Variants in ASH1L observed in about 807,000 individuals in gnomAD.
The protein encoded by ASH1L is histone-lysine N-methyltransferase ASH1L.
ASH1L carries 23 observed loss-of-function variants against 269.0 expected under a neutral mutation model. That is an observed-to-expected ratio of 0.09 (90% confidence interval 0.06 to 0.12). The LOEUF is 0.12. ASH1L is among the 10% of genes least tolerant of loss of function. ASH1L has a pLI of 1.00. For missense variants in ASH1L, 2,912 were observed against 3,567.8 expected, an observed-to-expected ratio of 0.82 and a Z score of 4.68; for synonymous variants, 1,187 against 1,253.5, an observed-to-expected ratio of 0.95 and a Z score of 1.12.
intron 7 of ASH1L, among the ~76,000 whole-genome samples, chr1:155,389,823 G>T (rs1049952452): frequency 6.7e-6 from 1 of 148,492 alleles, no homozygotes; most frequent in Non-Finnish European, 1.5e-5. Context: ...GAATACAATT[G>T]ATTTTTTAAT....
intron 9 of ASH1L, 52 bp downstream of exon 9, chr1:155,378,451 C>T (rs935023067): frequency 2.5e-6 from 4 of 1,609,512 alleles, no homozygotes; most frequent in Non-Finnish European, 3.4e-6. Flanking sequence ...GTGCTAGGCT[C>T]AGAAGAACAT....
At chr1:155,462,086 C>A (rs1664345793) in intron 3 of ASH1L, among the ~76,000 whole-genome samples, 1 of 152,172 alleles carries the variant, frequency 6.6e-6, no homozygotes, top group Non-Finnish European at 1.5e-5. Flanking sequence ...AGGCATGAGC[C>A]ACTGCGCCCA....
At chr1:155,375,723 G>A (rs1162860183) in intron 10 of ASH1L, among the ~76,000 whole-genome samples, 2 of 152,002 alleles carry the variant, frequency 1.3e-5, no homozygotes, top group African/African-American at 2.4e-5. Flanking sequence ...GCTTGAACCC[G>A]GGAGGTGGAG....
intron 1 of ASH1L, among the ~76,000 whole-genome samples, chr1:155,546,761 A>C (rs935307922): frequency 6.6e-6 from 1 of 151,908 alleles, no homozygotes; most frequent in Non-Finnish European, 1.5e-5. Flanking sequence ...CGTCTCAAAA[A>C]AAAAAGCACT....
At chr1:155,363,078 T>C (rs570150477) in intron 12 of ASH1L, among the ~76,000 whole-genome samples, 7 of 151,908 alleles carry the variant, frequency 4.6e-5, no homozygotes, top group Admixed American at 3.9e-4. Context: ...CCGCCTCCTG[T>C]GTTCAAGCGA....
chr1:155,445,674 G>T (rs1558114647), intron 4 of ASH1L, among the ~76,000 whole-genome samples: 1 of 152,058 alleles, frequency 6.6e-6, no homozygotes, highest in Non-Finnish European at 1.5e-5. Context: ...TTAAAATCCT[G>T]TTGCAACTGT....
rs1333846613 is a variant in ASH1L at position 155,349,342 on chromosome 1, G to T, written c.7539C>A (p.Val2513=). Residue 2513 remains valine, a synonymous_variant, in exon 19 of 28, where the codon GTC becomes GTA. Transcript: ENST00000392403. ...TGAAAAATACCTCAGCATTCCGAAA[G>T]ACTTTGAGCATGTCAGCATCAAAAG... ...VEAFDADMLK[V]FRNAEKYYGR... is the part of the protein sequence containing the mutation. 21 of 1,612,520 alleles carry T rather than the reference G, an allele frequency of 1.3e-5. No individual in the cohort carries two copies. The highest frequency in any genetic ancestry group is 1.7e-5 in the Non-Finnish European group (20 of 1,179,048).
At chr1:155,459,952 T>C in intron 3 of ASH1L, 54 bp from the exon 4 acceptor site, 2 of 1,357,608 alleles carry the variant, frequency 1.5e-6, no homozygotes, top group Non-Finnish European at 1.0e-6. Flanking sequence ...TTAAAAATAA[T>C]GTGAAACCAT....
chr1:155,344,001 C>T (rs1653022356), intron 22 of ASH1L, among the ~76,000 whole-genome samples, 182 bp downstream of exon 22: 1 of 152,156 alleles, frequency 6.6e-6, no homozygotes, highest in Non-Finnish European at 1.5e-5. Context: ...TCTATCATTT[C>T]AAATTAGTAT....
intron 1 of ASH1L, among the ~76,000 whole-genome samples, chr1:155,545,875 G>C (rs1018278606): frequency 1.3e-5 from 2 of 151,596 alleles, no homozygotes; most frequent in African/African-American, 4.8e-5. Context: ...ATAAAAATTA[G>C]GCTGGATGCA....
chr1:155,349,499 C>A (rs747476761), intron 18 of ASH1L, 40 bp from the exon 19 acceptor site: 45 of 1,613,932 alleles, frequency 2.8e-5, no homozygotes, highest in African/African-American at 4.0e-5. Flanking sequence ...GCACACTTAG[C>A]ACTTTTTAAA....
chr1:155,442,289 TA>T (rs1016155747), intron 4 of ASH1L, among the ~76,000 whole-genome samples: 3 of 147,894 alleles, frequency 2.0e-5, no homozygotes, highest in Non-Finnish European at 3.0e-5. Context: ...GAGTGATCTT[TA>T]AAAAAAAAAC....
chr1:155,430,710 T>G (rs1661529672), intron 5 of ASH1L, among the ~76,000 whole-genome samples: 1 of 152,196 alleles, frequency 6.6e-6, no homozygotes, highest in South Asian at 2.1e-4. Context: ...ATTTGCCTTA[T>G]TTTATTAACT....
chr1:155,479,853 A>T lies in ASH1L; in HGVS notation c.3017T>A (p.Val1006Glu). ...KLLNQILSSS[V>E]ESSNKGKVQS... ...CACTTTCCCTTTATTACTTGATTCT[A>T]CAGAACTTGAAAGAATCTGATTCAA... The change falls in exon 3 of 28, where the codon GTA becomes GAA. Residue 1006 changes from valine to glutamate, a missense_variant. Transcript: ENST00000392403. 2 of 1,613,744 alleles carry T rather than the reference A, an allele frequency of 1.2e-6. No homozygotes were observed. Among genetic ancestry groups the T allele is most frequent in the Non-Finnish European group, 1.7e-6 (2 of 1,179,872 alleles).
At chr1:155,411,574 A>AATAT (rs1269346450) in intron 6 of ASH1L, among the ~76,000 whole-genome samples, 1 of 32,706 alleles carries the variant, frequency 3.1e-5, no homozygotes, top group South Asian at 1.1e-3. Flanking sequence ...TATGAATATA[A>AATAT]ATAAATAAAT....
chr1:155,484,943 ACAAAAAC>A (rs1666220331), intron 2 of ASH1L, among the ~76,000 whole-genome samples: 11 of 117,076 alleles, frequency 9.4e-5, no homozygotes, highest in African/African-American at 3.5e-4. Context: ...AAAAAAAAAA[ACAAAAAC>A]AAAAACAAAA....
chr1:155,543,697 T>A (rs370467496), intron 1 of ASH1L, among the ~76,000 whole-genome samples: 1 of 151,828 alleles, frequency 6.6e-6, no homozygotes, highest in Non-Finnish European at 1.5e-5. Flanking sequence ...TCTGGGAGGC[T>A]GAGGTGGGAG....
intron 5 of ASH1L, among the ~76,000 whole-genome samples, chr1:155,428,233 G>T (rs1416892069): frequency 1.3e-5 from 2 of 152,124 alleles, no homozygotes; most frequent in African/African-American, 2.4e-5. Context: ...GAGGTCAGGA[G>T]TTCAAGACCA....
intron 15 of ASH1L, among the ~76,000 whole-genome samples, 173 bp downstream of exon 15, chr1:155,357,143 A>T (rs1654488563): frequency 6.7e-6 from 1 of 149,524 alleles, no homozygotes; most frequent in South Asian, 2.1e-4. Flanking sequence ...TAAAAAAAAA[A>T]AAAAAAAAAA....
Sources: allele counts gnomAD v4.1 joint callset (sites outside exome capture counted in the v4.1 genomes callset), GRCh38; gene constraint gnomAD v4.1.1; transcripts MANE v1.5; gene names NCBI Gene and HGNC (gene_info 2026-07-23, HGNC 2026-07-21).